DYNLRB1: variants seen among roughly 807,000 people sequenced by gnomAD.
The protein encoded by DYNLRB1 is dynein light chain roadblock-type 1, also known as ROBL/LC7-like 1.
In DYNLRB1, 6 loss-of-function variants were observed where a neutral mutation model predicts 13.5. The ratio of observed to expected loss-of-function variants is 0.44; its 90% CI spans 0.24 to 0.88. The LOEUF (loss-of-function observed/expected upper bound fraction) is 0.88. Among genes scored for constraint, DYNLRB1 ranks in the 40% least tolerant of loss-of-function variants. The pLI, the probability that DYNLRB1 is intolerant of heterozygous loss-of-function variation, is 0.21. For synonymous variants in DYNLRB1, 43 were observed against 45.0 expected, an observed-to-expected ratio of 0.96 and a Z score of 0.18; for missense variants, 93 against 127.2, an observed-to-expected ratio of 0.73 and a Z score of 1.29.
intron 1 of DYNLRB1, chr20:34,516,891 T>C (rs1381783858): frequency 3.4e-6 from 5 of 1,485,454 alleles, no homozygotes; most frequent in Non-Finnish European, 4.5e-6. Context: ...ATACAATCTT[T>C]AGTCCCATTT....
chr20:34,526,114 G>A (rs1452548414), intron 1 of DYNLRB1, among the ~76,000 whole-genome samples, 154 bp from the exon 2 acceptor site: 9 of 152,224 alleles, frequency 5.9e-5, no homozygotes, highest in South Asian at 2.1e-4. Context: ...GGAGGAGCAC[G>A]TCAGATCAGC....
intron 2 of DYNLRB1, among the ~76,000 whole-genome samples, chr20:34,534,152 C>T (rs1367694873): frequency 3.9e-5 from 6 of 152,308 alleles, no homozygotes; most frequent in East Asian, 1.9e-4. Flanking sequence ...TTTGTAAAAG[C>T]GCTTCCTGGT....
intron 3 of DYNLRB1, chr20:34,535,384 C>T (rs1458742063): frequency 1.4e-5 from 14 of 982,478 alleles, no homozygotes; most frequent in South Asian, 4.7e-5. Flanking sequence ...GTTTCCTTTA[C>T]GCGAGGTGCT....
At chr20:34,536,447 C>T in intron 3 of DYNLRB1, 1 of 985,356 alleles carries the variant, frequency 1.0e-6, no homozygotes, top group Non-Finnish European at 1.2e-6. Context: ...AAGCTTCACT[C>T]CCCAAAAGTC....
chr20:34,526,658 A>G (rs1280044968), intron 2 of DYNLRB1: 4 of 351,784 alleles, frequency 1.1e-5, no homozygotes, highest in African/African-American at 2.0e-5. Context: ...CCACCCTGAC[A>G]GATCACACTT....
At chr20:34,540,448 G>A (rs1981488247) in intron 3 of DYNLRB1, 133 bp from the exon 4 acceptor site, 2 of 824,344 alleles carry the variant, frequency 2.4e-6, no homozygotes, top group Non-Finnish European at 3.8e-6. Flanking sequence ...TGGAGATGCT[G>A]AACGTTGATG....
At chr20:34,515,707 C>T (rs1979114591), upstream of DYNLRB1, among the ~76,000 whole-genome samples, 1 of 152,200 alleles carries the variant, frequency 6.6e-6, no homozygotes, top group African/African-American at 2.4e-5. Flanking sequence ...GGCCCTGGGC[C>T]TCTCTCTGGC....
intron 2 of DYNLRB1, chr20:34,526,721 T>G (rs1980254990): frequency 4.9e-6 from 1 of 204,880 alleles, no homozygotes; most frequent in Non-Finnish European, 1.0e-5. Flanking sequence ...AGGACCATAA[T>G]CATAGTTGTT....
Position 34,532,146 on chromosome 20 carries a change from AGTCACATCCCTTCAGAT to A in DYNLRB1, c.80-2480_80-2464del, listed in dbSNP as rs546590920. 8.5e-4 allele frequency among the ~76,000 whole-genome samples: 130 copies of A among 152,326 alleles called. 1 individual carries two copies. Among genetic ancestry groups the A allele is most frequent in the African/African-American group, 3.0e-3 (126 of 41,560 alleles). ...CAAGGCCCTTGCGGGTTTAAGCAAT[AGTCACATCCCTTCAGAT>A]GAATGGAAATGGCATTTACTGTGTG... On this transcript the variant is annotated intron_variant, in intron 2 of 3. Coordinates refer to ENST00000357156, the MANE Select transcript of DYNLRB1 (RefSeq NM_014183.4).
At chr20:34,516,801 G>A (rs1165588396) in intron 1 of DYNLRB1, 4 of 1,550,030 alleles carry the variant, frequency 2.6e-6, no homozygotes, top group East Asian at 2.4e-5. Context: ...CGTTTCCCGG[G>A]AGCTCAGTTT....
At chr20:34,526,505 T>TTC (rs1980232346) in intron 2 of DYNLRB1, 162 bp downstream of exon 2, 1 of 660,060 alleles carries the variant, frequency 1.5e-6, no homozygotes, top group Non-Finnish European at 2.5e-6. Flanking sequence ...TTTTTTTTTT[T>TTC]TTCATTAAGG....
intron 2 of DYNLRB1, chr20:34,533,586 C>T (rs964751168): frequency 2.1e-5 from 18 of 871,128 alleles, no homozygotes; most frequent in Admixed American, 6.2e-5. Context: ...TTTGGAAGGC[C>T]GAGGCGGGTG....
chr20:34,515,736 GGGTCTCA>G (rs1391991887), upstream of DYNLRB1, among the ~76,000 whole-genome samples: 1 of 152,110 alleles, frequency 6.6e-6, no homozygotes, highest in African/African-American at 2.4e-5. Flanking sequence ...GGCGCAAAGC[GGGTCTCA>G]GCAACCGTCC....
At chr20:34,529,744 A>T in intron 2 of DYNLRB1, 1 of 1,110,426 alleles carries the variant, frequency 9.0e-7, no homozygotes, top group Non-Finnish European at 1.2e-6. Context: ...AAAAAAAAAA[A>T]ATGTTGATTT....
intron 1 of DYNLRB1, among the ~76,000 whole-genome samples, chr20:34,520,501 C>A (rs1379988369): frequency 6.6e-6 from 1 of 152,148 alleles, no homozygotes; most frequent in Non-Finnish European, 1.5e-5. Flanking sequence ...GACTGGAGTT[C>A]AGTGGCTCAA....
chr20:34,522,479 T>TTTTC (rs1979828044), intron 1 of DYNLRB1, among the ~76,000 whole-genome samples: 1 of 138,366 alleles, frequency 7.2e-6, no homozygotes. Context: ...CTTTTTTTTT[T>TTTTC]TTTTTTTTTT....
intron 3 of DYNLRB1, chr20:34,535,318 C>T (rs2146649420): frequency 1.0e-6 from 1 of 985,486 alleles, no homozygotes; most frequent in East Asian, 1.1e-4. Context: ...AAGGCCAGGC[C>T]TGTCTTTAGG....
chr20:34,518,829 C>T (rs1472019866), intron 1 of DYNLRB1, among the ~76,000 whole-genome samples: 4 of 152,098 alleles, frequency 2.6e-5, no homozygotes, highest in Non-Finnish European at 5.9e-5. Flanking sequence ...TTTCTAGAAC[C>T]TGTATTATGC....
intron 2 of DYNLRB1, chr20:34,533,558 C>T (rs1203489849): frequency 5.7e-5 from 56 of 981,638 alleles, no homozygotes; most frequent in Middle Eastern, 5.2e-4. Context: ...CGGTGGCTCA[C>T]GCCTGTAATC....
Sources: allele counts gnomAD v4.1 joint callset (sites outside exome capture counted in the v4.1 genomes callset), GRCh38; gene constraint gnomAD v4.1.1; transcripts MANE v1.5; gene names NCBI Gene and HGNC (gene_info 2026-07-23, HGNC 2026-07-21).